Variants in LRP1B observed in about 807,000 individuals in gnomAD.
The protein encoded by LRP1B is LDL receptor related protein 1B, also known as low-density lipoprotein receptor-related protein 1B.
In LRP1B, 217 loss-of-function variants were observed where a neutral mutation model predicts 556.6. The observed-to-expected ratio is 0.39, with a 90% CI of 0.35 to 0.44. LRP1B has a LOEUF of 0.44. LRP1B is among the 20% of genes least tolerant of loss of function. The pLI, the probability that LRP1B is intolerant of heterozygous loss-of-function variation, is 1.00. For missense variants in LRP1B, 5,053 were observed against 5,620.8 expected (o/e 0.90, Z 3.23); for synonymous variants, 2,047 against 1,865.8 (o/e 1.10, Z -2.50).
chr2:140,825,944 T>C (rs977042606), intron 31 of LRP1B, among the ~76,000 whole-genome samples: 2 of 152,244 alleles, frequency 1.3e-5, no homozygotes, highest in Non-Finnish European at 2.9e-5. Flanking sequence ...AGTATTTTGC[T>C]GATGTGATAA....
At chr2:140,615,203 T>C (rs1275772642) in intron 41 of LRP1B, among the ~76,000 whole-genome samples, 3 of 152,088 alleles carry the variant, frequency 2.0e-5, no homozygotes, top group African/African-American at 7.2e-5. Context: ...TGGTGCCACC[T>C]GGACTGGTAA....
At chr2:141,552,009 A>C (rs1321809102) in intron 2 of LRP1B, among the ~76,000 whole-genome samples, 1 of 152,044 alleles carries the variant, frequency 6.6e-6, no homozygotes, top group Non-Finnish European at 1.5e-5. Context: ...GTATTTTGTA[A>C]TAATTGTGAG....
intron 43 of LRP1B, among the ~76,000 whole-genome samples, chr2:140,548,061 G>A (rs955921598): frequency 6.6e-5 from 10 of 151,870 alleles, no homozygotes; most frequent in African/African-American, 2.4e-4. Context: ...TGCATATAAT[G>A]ATTCTAGCCA....
chr2:141,503,479 T>C (rs965625651), intron 2 of LRP1B, among the ~76,000 whole-genome samples: 2 of 151,944 alleles, frequency 1.3e-5, no homozygotes, highest in African/African-American at 4.8e-5. Context: ...TCTGTTACAT[T>C]ATACGTAGCC....
Position 141,062,342 on chromosome 2 carries a change from T to C in LRP1B, c.1014-69A>G, listed in dbSNP as rs1699359184. The C allele has an allele frequency of 5.0e-6, 5 of 1,000,938 alleles. No individual in the cohort carries two copies. The East Asian group carries it at 1.2e-4, about 25-fold the overall frequency. The allele number at this position is 1,000,938 out of a possible 1,614,324, so 62.0% of individuals were successfully genotyped here. A position where few individuals can be genotyped will look rare whatever the true frequency, so the allele number is the denominator to read the frequency against. ...GAAGCACGTTTGATGGAGCCATCTG[T>C]AAAAAACAGAACTTTTTCTTCTAAT... is the stretch of plus-strand genomic sequence containing the variant. On this transcript the variant is annotated intron_variant, in intron 7 of 90. Transcript: ENST00000389484.
At chr2:141,341,574 A>T (rs1280456536) in intron 3 of LRP1B, among the ~76,000 whole-genome samples, 1 of 152,210 alleles carries the variant, frequency 6.6e-6, no homozygotes, top group Admixed American at 6.5e-5. Context: ...GAAACTGGCC[A>T]GATGTTAAAT....
chr2:141,889,201 A>T (rs12611558), intron 1 of LRP1B, among the ~76,000 whole-genome samples: 65,937 of 151,804 alleles, frequency 0.43, 14,523 homozygotes, highest in Admixed American at 0.51. Flanking sequence ...AATATTTTTT[A>T]AAAAAACTGT....
intron 1 of LRP1B, among the ~76,000 whole-genome samples, chr2:141,934,613 C>T (rs1700585187): frequency 6.6e-6 from 1 of 152,160 alleles, no homozygotes; most frequent in Non-Finnish European, 1.5e-5. Context: ...ATAATCCCCA[C>T]ATGTTGTGGG....
At chr2:140,958,671 C>T (rs1695944803) in intron 18 of LRP1B, among the ~76,000 whole-genome samples, 1 of 151,518 alleles carries the variant, frequency 6.6e-6, no homozygotes, top group Admixed American at 6.6e-5. Context: ...ACTTTAGATT[C>T]AGGAAGCAAA....
At chr2:140,353,713 T>A (rs2105123883) in intron 75 of LRP1B, among the ~76,000 whole-genome samples, 1 of 152,214 alleles carries the variant, frequency 6.6e-6, no homozygotes, top group Admixed American at 6.5e-5. Context: ...CTTACACTGT[T>A]GCTTATATTT....
Position 140,903,113 on chromosome 2 carries a change from A to G in LRP1B, c.3573T>C (p.Pro1191=), listed in dbSNP as rs1028552526. The change falls in exon 23 of 91, where the codon CCT becomes CCC. Residue 1191 remains proline (P), a synonymous_variant. Coordinates refer to ENST00000389484, the MANE Select transcript of LRP1B (RefSeq NM_018557.3). The stretch of plus-strand genomic sequence containing the variant: ...GGCAGGAACAGACAATTCCTCTTCC[A>G]GGAACAACAGAACAGTGGTTGCTAC... ...GGCSNHCSVV[P]GRGIVCSCPE... 20 of 1,613,432 alleles carry G rather than the reference A, an allele frequency of 1.2e-5. No individual in the cohort carries two copies. Among genetic ancestry groups the G allele is most frequent in the Admixed American group, 1.7e-5 (1 of 59,914 alleles).
chr2:141,609,765 C>T (rs1688039473), intron 2 of LRP1B, among the ~76,000 whole-genome samples: 2 of 152,174 alleles, frequency 1.3e-5, no homozygotes, highest in Admixed American at 6.6e-5. Flanking sequence ...ACAACTCTGC[C>T]TTTCCCTTGA....
intron 7 of LRP1B, among the ~76,000 whole-genome samples, chr2:141,071,018 G>A (rs548569533): frequency 0.016 from 2,418 of 151,884 alleles, 30 homozygotes; most frequent in Middle Eastern, 0.027. Context: ...GGCCAGCATC[G>A]TCCTGATACC....
intron 2 of LRP1B, among the ~76,000 whole-genome samples, chr2:141,481,186 G>A (rs1682906271): frequency 1.3e-5 from 2 of 152,140 alleles, no homozygotes; most frequent in Admixed American, 1.3e-4. Flanking sequence ...TAACTACTTT[G>A]TATAATCACC....
intron 1 of LRP1B, among the ~76,000 whole-genome samples, chr2:141,867,736 A>G (rs1029887873): frequency 6.6e-6 from 1 of 152,022 alleles, no homozygotes; most frequent in African/African-American, 2.4e-5. Flanking sequence ...GTAACAATAT[A>G]CTCTTCTCAC....
chr2:141,884,146 G>A (rs936936321), intron 1 of LRP1B, among the ~76,000 whole-genome samples: 4 of 152,100 alleles, frequency 2.6e-5, no homozygotes, highest in African/African-American at 9.7e-5. Context: ...TGGCCCAGGT[G>A]GGAGGATCCC....
chr2:140,270,142 T>TTAAATGAATTTAAATGAATTAAATG, intron 86 of LRP1B, 100 bp downstream of exon 86: 5 of 797,498 alleles, frequency 6.3e-6, no homozygotes, highest in Non-Finnish European at 8.6e-6. Context: ...CATGAAACAC[T>TTAAATGAATTTAAATGAATTAAATG]CATTTAAAAT....
At chr2:141,124,870 T>C (rs1409840357) in intron 7 of LRP1B, among the ~76,000 whole-genome samples, 3 of 152,080 alleles carry the variant, frequency 2.0e-5, no homozygotes, top group Non-Finnish European at 4.4e-5. Flanking sequence ...CTGGAAGAGA[T>C]GGATTGTATG....
chr2:141,710,075 A>C (rs997234339), intron 2 of LRP1B, among the ~76,000 whole-genome samples: 2 of 152,108 alleles, frequency 1.3e-5, no homozygotes, highest in African/African-American at 4.8e-5. Context: ...AAGGCCCCCA[A>C]ATCTAAATAC....
Sources: allele counts gnomAD v4.1 joint callset (sites outside exome capture counted in the v4.1 genomes callset), GRCh38; gene constraint gnomAD v4.1.1; transcripts MANE v1.5; gene names NCBI Gene and HGNC (gene_info 2026-07-23, HGNC 2026-07-21).